Variants in CDH13 observed in about 807,000 individuals in gnomAD.
CDH13 encodes cadherin 13.
Under a neutral mutation model 63.8 loss-of-function variants are expected in CDH13, and 24 were observed. The observed-to-expected ratio is 0.38, with a 90% confidence interval of 0.27 to 0.53. The LOEUF is 0.53. Ranked by LOEUF, CDH13 falls within the 20% of genes least tolerant of loss-of-function variation. CDH13 has a pLI of 0.85. For synonymous variants in CDH13, 503 were observed against 355.3 expected, an observed-to-expected ratio of 1.42 and a Z score of -4.67; for missense variants, 1,049 against 903.1, an observed-to-expected ratio of 1.16 and a Z score of -2.07.
At chr16:83,610,115 C>T (rs1456460645) in intron 8 of CDH13, among the ~76,000 whole-genome samples, 1 of 152,106 alleles carries the variant, frequency 6.6e-6, no homozygotes, top group Non-Finnish European at 1.5e-5. Flanking sequence ...ATGCATTCAT[C>T]CACTGAGGGA....
intron 2 of CDH13, among the ~76,000 whole-genome samples, chr16:82,933,572 T>G (rs925689734): frequency 6.6e-6 from 1 of 152,086 alleles, no homozygotes; most frequent in African/African-American, 2.4e-5. Flanking sequence ...CCCAACAGTT[T>G]CCCAAAGTCG....
intron 5 of CDH13, among the ~76,000 whole-genome samples, chr16:83,253,047 C>A (rs1905776299): frequency 6.6e-6 from 1 of 152,102 alleles, no homozygotes; most frequent in Non-Finnish European, 1.5e-5. Flanking sequence ...TAGCACAGCA[C>A]CTGGCACAGA....
At position 83,463,690 on chromosome 16, in the gene CDH13, A is replaced by G. The variant is rs185607541; in HGVS notation, c.782-22787A>G. On this transcript the variant is annotated intron_variant, in intron 6 of 13. Transcript: ENST00000567109. ...TGGTGGTGCACACCTGTGGTCCTAG[A>G]AACTTGGGAGGGGCTGAGGTGGGAG... 2.5e-4 allele frequency among the ~76,000 whole-genome samples: 38 copies of G among 152,246 alleles called. No homozygotes were observed. In the East Asian group the frequency reaches 7.0e-3, roughly 28 times the overall value.
At chr16:82,753,172 C>G (rs775073637) in intron 1 of CDH13, among the ~76,000 whole-genome samples, 1 of 152,180 alleles carries the variant, frequency 6.6e-6, no homozygotes, top group Non-Finnish European at 1.5e-5. Context: ...AACAGCCTCT[C>G]TGGGAAGAAG....
chr16:82,677,788 T>G (rs1426438360), intron 1 of CDH13, among the ~76,000 whole-genome samples: 1 of 152,166 alleles, frequency 6.6e-6, no homozygotes, highest in African/African-American at 2.4e-5. Context: ...CCCCCTCCAA[T>G]TTTTCTCCTC....
At chr16:83,041,408 T>C (rs1165792700) in intron 3 of CDH13, among the ~76,000 whole-genome samples, 2 of 151,678 alleles carry the variant, frequency 1.3e-5, no homozygotes, top group East Asian at 3.9e-4. Context: ...AAAAAAAAAA[T>C]AAAAGGAGCA....
intron 7 of CDH13, among the ~76,000 whole-genome samples, chr16:83,582,944 A>T (rs1905763897): frequency 1.3e-5 from 2 of 152,148 alleles, no homozygotes; most frequent in South Asian, 4.1e-4. Context: ...GAAACAAATC[A>T]CCACCAACTA....
intron 5 of CDH13, among the ~76,000 whole-genome samples, chr16:83,289,415 A>G (rs1014338141): frequency 2.0e-5 from 3 of 152,176 alleles, no homozygotes; most frequent in Non-Finnish European, 2.9e-5. Context: ...ATAAAAATGC[A>G]GATGCCCAGG....
intron 1 of CDH13, among the ~76,000 whole-genome samples, chr16:82,815,324 C>A (rs377088773): frequency 2.0e-5 from 3 of 152,134 alleles, no homozygotes; most frequent in Admixed American, 2.0e-4. Context: ...GTCGACTTGC[C>A]TCTCACTCTC....
At chr16:82,732,348 T>C (rs1479146923) in intron 1 of CDH13, among the ~76,000 whole-genome samples, 1 of 152,200 alleles carries the variant, frequency 6.6e-6, no homozygotes, top group Non-Finnish European at 1.5e-5. Context: ...TTCAGCAAGT[T>C]AGTTAAGTAA....
intron 3 of CDH13, among the ~76,000 whole-genome samples, chr16:83,113,452 C>A (rs2151625133): frequency 6.6e-6 from 1 of 152,324 alleles, no homozygotes; most frequent in South Asian, 2.1e-4. Context: ...ATTTTAAGTG[C>A]TTTTTAGACA....
In CDH13 at chr16:82,774,881, C is replaced by G. The variant is rs193043591; in HGVS notation, c.46-83481C>G. Among the ~76,000 whole-genome samples, 732 of 152,308 alleles carry G rather than the reference C, an allele frequency of 4.8e-3. 5 individuals are homozygous for G. Among genetic ancestry groups the G allele is most frequent in the African/African-American group, 0.014 (592 of 41,556 alleles). ...CTCCTATGGCTCCTCTGTTACCAAA[C>G]AAGCTCTTCCTATAGCTGCAGCTGA... On this transcript the variant is annotated intron_variant, in intron 1 of 13. Coordinates refer to ENST00000567109, the MANE Select transcript of CDH13 (RefSeq NM_001257.5).
At chr16:83,534,227 A>T (rs534346869) in intron 7 of CDH13, among the ~76,000 whole-genome samples, 1 of 152,202 alleles carries the variant, frequency 6.6e-6, no homozygotes, top group Non-Finnish European at 1.5e-5. Flanking sequence ...AGAGGAGCGC[A>T]TTAGGAAGGT....
chr16:83,497,316 G>C (rs1039384474), intron 7 of CDH13, among the ~76,000 whole-genome samples: 2 of 152,004 alleles, frequency 1.3e-5, no homozygotes, highest in Non-Finnish European at 2.9e-5. Context: ...ATACACCATG[G>C]AATACTATGC....
intron 4 of CDH13, among the ~76,000 whole-genome samples, chr16:83,128,576 A>G (rs2035911918): frequency 6.6e-6 from 1 of 152,224 alleles, no homozygotes; most frequent in Non-Finnish European, 1.5e-5. Flanking sequence ...ATCCCAGTTT[A>G]CACCTGTCGT....
intron 2 of CDH13, among the ~76,000 whole-genome samples, chr16:82,931,151 C>T (rs959066076): frequency 6.6e-6 from 1 of 152,164 alleles, no homozygotes; most frequent in Non-Finnish European, 1.5e-5. Context: ...CCCAAGAAAC[C>T]TGCTTTCTAC....
At chr16:82,759,016 C>A (rs555063527) in intron 1 of CDH13, among the ~76,000 whole-genome samples, 17 of 152,154 alleles carry the variant, frequency 1.1e-4, no homozygotes, top group Non-Finnish European at 2.4e-4. Context: ...TCCTTCTTCA[C>A]TTTCTAAGGG....
chr16:83,019,852 A>C (rs921449961), intron 2 of CDH13, among the ~76,000 whole-genome samples: 25 of 151,884 alleles, frequency 1.6e-4, no homozygotes, highest in Non-Finnish European at 3.1e-4. Context: ...AAAAAAAAAA[A>C]AACAATAAAA....
intron 6 of CDH13, among the ~76,000 whole-genome samples, chr16:83,478,211 A>G (rs952317283): frequency 6.6e-6 from 1 of 151,820 alleles, no homozygotes; most frequent in Non-Finnish European, 1.5e-5. Context: ...TGTATTTCAG[A>G]CATGCAGTAA....
Sources: allele counts gnomAD v4.1 joint callset (sites outside exome capture counted in the v4.1 genomes callset), GRCh38; gene constraint gnomAD v4.1.1; transcripts MANE v1.5; gene names NCBI Gene and HGNC (gene_info 2026-07-23, HGNC 2026-07-21).